CNTNAP2: variants seen among roughly 807,000 people sequenced by gnomAD.
CNTNAP2 encodes contactin-associated protein-like 2.
Under a neutral mutation model 155.2 loss-of-function variants are expected in CNTNAP2, and 98 were observed. The ratio of observed to expected loss-of-function variants is 0.63; its 90% CI spans 0.54 to 0.75. The LOEUF is 0.75. CNTNAP2 is among the 30% of genes least tolerant of loss of function. The probability of loss-of-function intolerance (pLI) is 0.00; values close to 1 mark genes in which losing one functional copy is unlikely to be tolerated. For synonymous variants in CNTNAP2, 651 were observed against 631.2 expected (o/e 1.03, Z -0.47); for missense variants, 1,727 against 1,688.1 (o/e 1.02, Z -0.40).
intron 11 of CNTNAP2, among the ~76,000 whole-genome samples, chr7:147,499,899 T>C (rs1798779886): frequency 6.6e-6 from 1 of 152,168 alleles, no homozygotes; most frequent in Non-Finnish European, 1.5e-5. Context: ...TGTGGACAAA[T>C]AGAGGGCTTT....
chr7:147,924,920 A>G (rs1800357603), intron 14 of CNTNAP2, among the ~76,000 whole-genome samples: 1 of 152,008 alleles, frequency 6.6e-6, no homozygotes, highest in South Asian at 2.1e-4. Flanking sequence ...GATCAAGACC[A>G]TCCTGGCTAA....
At chr7:146,337,657 A>G (rs1196738273) in intron 1 of CNTNAP2, among the ~76,000 whole-genome samples, 1 of 151,850 alleles carries the variant, frequency 6.6e-6, no homozygotes, top group East Asian at 1.9e-4. Context: ...TCTTGTAGAG[A>G]TGAGGTCTCA....
At chr7:146,663,626 G>T (rs1376918993) in intron 1 of CNTNAP2, among the ~76,000 whole-genome samples, 1 of 151,736 alleles carries the variant, frequency 6.6e-6, no homozygotes, top group Admixed American at 6.6e-5. Context: ...ATTTTTGTTT[G>T]TATTTTAAAC....
intron 3 of CNTNAP2, among the ~76,000 whole-genome samples, chr7:146,951,732 T>A (rs1220265009): frequency 6.6e-6 from 1 of 152,052 alleles, no homozygotes; most frequent in Non-Finnish European, 1.5e-5. Flanking sequence ...TAGTGTGATT[T>A]CTCCAGCTTT....
At chr7:147,918,326 T>C (rs531628656) in intron 14 of CNTNAP2, among the ~76,000 whole-genome samples, 1 of 152,340 alleles carries the variant, frequency 6.6e-6, no homozygotes, top group South Asian at 2.1e-4. Context: ...ATTTATAAAC[T>C]TTCTTTTTGC....
chr7:146,905,411 C>A (rs938548310), intron 3 of CNTNAP2, among the ~76,000 whole-genome samples: 3 of 152,132 alleles, frequency 2.0e-5, no homozygotes, highest in African/African-American at 7.2e-5. Flanking sequence ...ATACAGAATT[C>A]TTTCTACATT....
At chr7:146,547,782 C>A (rs1347815017) in intron 1 of CNTNAP2, among the ~76,000 whole-genome samples, 2 of 151,086 alleles carry the variant, frequency 1.3e-5, no homozygotes, top group African/African-American at 2.4e-5. Context: ...GTGCTAATAT[C>A]TCTTCAAGAT....
chr7:148,141,529 G>C (rs1805071501), intron 16 of CNTNAP2, among the ~76,000 whole-genome samples: 2 of 152,166 alleles, frequency 1.3e-5, no homozygotes, highest in Non-Finnish European at 2.9e-5. Context: ...TGCCTTCCTA[G>C]GCAGGAGTAG....
At position 147,138,194 on chromosome 7, in the gene CNTNAP2, A is replaced by T. The variant is rs141436572; in HGVS notation, c.1348+5685A>T. On this transcript the variant is annotated intron_variant, in intron 8 of 23. Coordinates refer to ENST00000361727, the MANE Select transcript of CNTNAP2 (RefSeq NM_014141.6). ...AGATAAAACATGGCTCTGTATTCTT[A>T]GGGCGAAAATGGAGCCTAAGAAATT... 4.4e-3 allele frequency among the ~76,000 whole-genome samples: 665 copies of T among 151,980 alleles called. 7 individuals carry two copies. The highest frequency in any genetic ancestry group is 0.015 in the African/African-American group (607 of 41,530).
chr7:146,901,040 T>C (rs1021808654), intron 3 of CNTNAP2, among the ~76,000 whole-genome samples: 1 of 151,452 alleles, frequency 6.6e-6, no homozygotes, highest in African/African-American at 2.4e-5. Flanking sequence ...GTAATAATAA[T>C]AATAATAATA....
chr7:146,996,981 C>T (rs1221401396), intron 3 of CNTNAP2, among the ~76,000 whole-genome samples: 2 of 152,122 alleles, frequency 1.3e-5, no homozygotes, highest in Non-Finnish European at 2.9e-5. Flanking sequence ...TCTCTCTTGC[C>T]TGCTGCCATG....
intron 13 of CNTNAP2, among the ~76,000 whole-genome samples, chr7:147,701,158 T>C (rs897922723): frequency 1.3e-5 from 2 of 152,196 alleles, no homozygotes; most frequent in Non-Finnish European, 2.9e-5. Flanking sequence ...GTCAGGCTCT[T>C]TTCATTTAAG....
chr7:146,824,245 C>CA (rs1384225621), intron 2 of CNTNAP2, among the ~76,000 whole-genome samples: 1 of 152,068 alleles, frequency 6.6e-6, no homozygotes, highest in African/African-American at 2.4e-5. Flanking sequence ...CATAGTATTC[C>CA]AAAAATGTAT....
intron 1 of CNTNAP2, among the ~76,000 whole-genome samples, chr7:146,594,195 G>A (rs1345190929): frequency 6.6e-6 from 1 of 152,040 alleles, no homozygotes; most frequent in Non-Finnish European, 1.5e-5. Context: ...CTGTTCTGAG[G>A]TCCCTTTTAC....
intron 8 of CNTNAP2, among the ~76,000 whole-genome samples, chr7:147,298,885 T>G (rs1794889446): frequency 6.6e-6 from 1 of 152,270 alleles, no homozygotes; most frequent in Non-Finnish European, 1.5e-5. Context: ...TCACAGGTTA[T>G]AGAAAAGCAG....
intron 1 of CNTNAP2, among the ~76,000 whole-genome samples, chr7:146,225,715 T>C (rs1478516595): frequency 1.3e-5 from 2 of 152,202 alleles, no homozygotes; most frequent in Non-Finnish European, 2.9e-5. Flanking sequence ...TCCTCTATCC[T>C]CATCACACAG....
At chr7:146,459,041 T>G (rs2129124053) in intron 1 of CNTNAP2, among the ~76,000 whole-genome samples, 1 of 152,294 alleles carries the variant, frequency 6.6e-6, no homozygotes, top group Non-Finnish European at 1.5e-5. Flanking sequence ...CTCTCAGCAC[T>G]ACTTAACAAT....
At chr7:146,753,609 G>A (rs1280569834) in intron 1 of CNTNAP2, among the ~76,000 whole-genome samples, 8 of 151,912 alleles carry the variant, frequency 5.3e-5, no homozygotes, top group African/African-American at 7.2e-5. Context: ...TCTCATGTAC[G>A]TTACCAAAGC....
chr7:147,686,245 A>G (rs1412357970), intron 13 of CNTNAP2, among the ~76,000 whole-genome samples: 2 of 152,052 alleles, frequency 1.3e-5, no homozygotes, highest in Non-Finnish European at 2.9e-5. Flanking sequence ...TTTGTATTCA[A>G]TATGAAATAT....
Sources: gnomAD v4.1 joint callset for allele counts (sites outside exome capture counted in the v4.1 genomes callset) on GRCh38, gnomAD v4.1.1 for gene constraint, MANE v1.5 for transcripts, NCBI Gene and HGNC (gene_info 2026-07-23, HGNC 2026-07-21) for gene names.